The following RBFOX1 variants were observed in gnomAD, a reference collection of about 807,000 sequenced individuals.
RBFOX1 encodes the protein RNA binding fox-1 homolog 1.
RBFOX1 carries 8 observed loss-of-function variants against 57.7 expected under a neutral mutation model. That is an observed-to-expected ratio of 0.14 (90% CI 0.08 to 0.25). The LOEUF is 0.25. RBFOX1 is among the 10% of genes least tolerant of loss of function. RBFOX1 has a pLI of 1.00. For missense variants in RBFOX1, 611 were observed against 548.5 expected (o/e 1.11, Z -1.14); for synonymous variants, 326 against 222.4 (o/e 1.47, Z -4.15).
At chr16:7,145,414 C>A (rs2074750634) in intron 4 of RBFOX1, among the ~76,000 whole-genome samples, 1 of 152,114 alleles carries the variant, frequency 6.6e-6, no homozygotes, top group South Asian at 2.1e-4. Context: ...ACCATGTTGG[C>A]CAGTCTGGTC....
At chr16:6,671,043 A>G (rs892627933) in intron 3 of RBFOX1, among the ~76,000 whole-genome samples, 1 of 152,208 alleles carries the variant, frequency 6.6e-6, no homozygotes. Flanking sequence ...GGTATGTTGC[A>G]ATTTGGTAGA....
At chr16:7,472,327 G>T (rs1163053524) in intron 4 of RBFOX1, among the ~76,000 whole-genome samples, 1 of 151,116 alleles carries the variant, frequency 6.6e-6, no homozygotes, top group Non-Finnish European at 1.5e-5. Context: ...TAGTAATTTG[G>T]AGGAGGGGAT....
intron 1 of RBFOX1, among the ~76,000 whole-genome samples, chr16:5,340,111 C>G (rs1048093969): frequency 1.3e-5 from 2 of 152,086 alleles, no homozygotes; most frequent in African/African-American, 4.8e-5. Flanking sequence ...TTTCTTTTTT[C>G]CTGGTATTTT....
At position 5,766,648 on chromosome 16, in the gene RBFOX1, G is replaced by A. The variant is rs116143178; in HGVS notation, c.319-100655G>A. ...TTGACAGCTTACTCACTACCATGAG[G>A]ACAGCACCAAGACATGAGGGATCCC... On this transcript the variant is annotated intron_variant, in intron 3 of 19. Coordinates refer to the RBFOX1 transcript ENST00000641259. Among the ~76,000 whole-genome samples the A allele has an allele frequency of 4.9e-3, 744 of 152,174 alleles. 9 individuals are homozygous for A. The highest frequency in any genetic ancestry group is 0.017 in the African/African-American group (699 of 41,526).
chr16:6,024,334 T>A (rs889080241), intron 1 of RBFOX1, among the ~76,000 whole-genome samples: 1 of 152,184 alleles, frequency 6.6e-6, no homozygotes. Context: ...TGAAATATAT[T>A]TTCATAAGGA....
chr16:7,589,268 A>G (rs777890388), intron 7 of RBFOX1, among the ~76,000 whole-genome samples: 4 of 152,134 alleles, frequency 2.6e-5, no homozygotes, highest in Non-Finnish European at 5.9e-5. Flanking sequence ...TGTTTAATTT[A>G]TATTTTGTTT....
chr16:6,557,394 T>C (rs920624940), intron 2 of RBFOX1, among the ~76,000 whole-genome samples: 5 of 152,010 alleles, frequency 3.3e-5, no homozygotes, highest in Non-Finnish European at 5.9e-5. Context: ...CATCAAGAAA[T>C]GGAGATGTGA....
intron 4 of RBFOX1, among the ~76,000 whole-genome samples, chr16:7,494,364 T>C (rs1567494852): frequency 6.6e-6 from 1 of 152,158 alleles, no homozygotes; most frequent in Non-Finnish European, 1.5e-5. Context: ...TAGTGTGTTA[T>C]TTTCCAAGCC....
At chr16:7,265,143 G>A (rs1567952764) in intron 4 of RBFOX1, among the ~76,000 whole-genome samples, 1 of 152,182 alleles carries the variant, frequency 6.6e-6, no homozygotes. Flanking sequence ...GCGCACTAAG[G>A]GTGCAGTGGT....
intron 3 of RBFOX1, among the ~76,000 whole-genome samples, chr16:6,900,719 TGCC>T (rs2068258655): frequency 6.6e-6 from 1 of 152,210 alleles, no homozygotes; most frequent in African/African-American, 2.4e-5. Flanking sequence ...TTCTCCATGA[TGCC>T]GTTCCTATCT....
intron 5 of RBFOX1, among the ~76,000 whole-genome samples, chr16:7,521,216 A>G (rs2077450492): frequency 6.6e-6 from 1 of 152,206 alleles, no homozygotes. Flanking sequence ...GGGCTCACTC[A>G]AAGTCCTAAG....
intron 3 of RBFOX1, among the ~76,000 whole-genome samples, chr16:5,748,015 G>A (rs1249144116): frequency 6.6e-6 from 1 of 152,122 alleles, no homozygotes; most frequent in Non-Finnish European, 1.5e-5. Flanking sequence ...GGCATTTAGT[G>A]CTATAAATTT....
chr16:7,668,620 A>G (rs1001319142), intron 13 of RBFOX1, among the ~76,000 whole-genome samples: 4 of 151,958 alleles, frequency 2.6e-5, no homozygotes, highest in Non-Finnish European at 5.9e-5. Flanking sequence ...GAGGGTAGGA[A>G]TGATCTTTAT....
At chr16:6,854,972 T>A (rs2057556537) in intron 3 of RBFOX1, among the ~76,000 whole-genome samples, 1 of 151,784 alleles carries the variant, frequency 6.6e-6, no homozygotes, top group African/African-American at 2.4e-5. Context: ...CCCTTGTTAA[T>A]GCTTGGACTA....
intron 1 of RBFOX1, among the ~76,000 whole-genome samples, chr16:5,368,181 C>G (rs1033044929): frequency 6.6e-6 from 1 of 152,188 alleles, no homozygotes; most frequent in African/African-American, 2.4e-5. Flanking sequence ...GATGTCAACG[C>G]ATAATATTTG....
chr16:6,989,815 C>T (rs1304305550), intron 3 of RBFOX1, among the ~76,000 whole-genome samples: 3 of 152,092 alleles, frequency 2.0e-5, no homozygotes, highest in African/African-American at 7.2e-5. Context: ...GCCTGGCTAA[C>T]ATGGTGAAAT....
At chr16:7,666,219 C>A (rs764108027) in intron 13 of RBFOX1, among the ~76,000 whole-genome samples, 1 of 152,112 alleles carries the variant, frequency 6.6e-6, no homozygotes, top group African/African-American at 2.4e-5. Flanking sequence ...TCCTGGCTCT[C>A]GACTCCATGC....
At chr16:6,733,792 C>T (rs952822818) in intron 3 of RBFOX1, among the ~76,000 whole-genome samples, 2 of 152,178 alleles carry the variant, frequency 1.3e-5, no homozygotes, top group South Asian at 2.1e-4. Context: ...TCTGACAAAG[C>T]TGGGTTCTAC....
intron 4 of RBFOX1, among the ~76,000 whole-genome samples, chr16:5,951,690 A>T (rs1250105986): frequency 6.6e-6 from 1 of 151,888 alleles, no homozygotes; most frequent in Non-Finnish European, 1.5e-5. Context: ...CCGTCCCCTG[A>T]CTCATCTTCA....
Sources: gnomAD v4.1 joint callset for allele counts (sites outside exome capture counted in the v4.1 genomes callset) on GRCh38, gnomAD v4.1.1 for gene constraint, MANE v1.5 for transcripts, NCBI Gene and HGNC (gene_info 2026-07-23, HGNC 2026-07-21) for gene names.